ABCA13: variants seen among roughly 807,000 people sequenced by gnomAD.
ABCA13 encodes ATP-binding cassette sub-family A member 13.
Under a neutral mutation model 478.7 loss-of-function variants are expected in ABCA13, and 476 were observed. That is an observed-to-expected ratio of 0.99 (90% CI 0.92 to 1.07). The LOEUF (loss-of-function observed/expected upper bound fraction) is 1.07. Among genes scored for constraint, ABCA13 ranks in the 50% least tolerant of loss-of-function variants. The pLI, the probability that ABCA13 is intolerant of heterozygous loss-of-function variation, is 0.00. For synonymous variants in ABCA13, 2,252 were observed against 2,158.9 expected (o/e 1.04, Z -1.20); for missense variants, 6,060 against 5,910.6 (o/e 1.03, Z -0.83).
Position 48,276,402 on chromosome 7 carries a change from C to A in ABCA13, c.6736C>A (p.Gln2246Lys). Reference sequence around the variant, plus strand: ...CATTAACCTTATCTTGAACCATATGCAGTCAGAAACTAGTAGGAAAACAGT... The same window carrying A: ...CATTAACCTTATCTTGAACCATATGAAGTCAGAAACTAGTAGGAAAACAGT... ...NFINLILNHM[Q>K]SETSRKTVLS... The change falls in exon 17 of 62, where the codon CAG becomes AAG. Residue 2246 changes from glutamine (Q) to lysine (K), a missense_variant. This residue lies in a region of ABCA13 where 4,423 missense variants were observed against 4,309.1 expected (regional missense o/e 1.03). Coordinates refer to ENST00000435803, the MANE Select transcript of ABCA13 (RefSeq NM_152701.5). 6.4e-7 allele frequency: 1 copy of A among 1,557,830 alleles called. No individual in the cohort carries two copies. The highest frequency in any genetic ancestry group is 8.7e-7 in the Non-Finnish European group (1 of 1,153,692).
At chr7:48,257,795 G>C (rs1039832211) in intron 15 of ABCA13, among the ~76,000 whole-genome samples, 2 of 152,120 alleles carry the variant, frequency 1.3e-5, no homozygotes, top group Non-Finnish European at 2.9e-5. Flanking sequence ...GCCAGGGTTT[G>C]GTATCAGGAT....
intron 50 of ABCA13, among the ~76,000 whole-genome samples, chr7:48,509,672 T>C (rs768881805): frequency 1.3e-5 from 2 of 152,210 alleles, no homozygotes; most frequent in Non-Finnish European, 2.9e-5. Context: ...TTCTATTCAA[T>C]CACTAATTTA....
At chr7:48,551,570 ATTAC>A (rs1248323537) in intron 55 of ABCA13, among the ~76,000 whole-genome samples, 1 of 149,262 alleles carries the variant, frequency 6.7e-6, no homozygotes, top group Admixed American at 6.7e-5. Flanking sequence ...CTTTTAGGTT[ATTAC>A]TTTATTATTT....
At chr7:48,341,705 A>G (rs1031381453) in intron 29 of ABCA13, among the ~76,000 whole-genome samples, 3 of 149,642 alleles carry the variant, frequency 2.0e-5, no homozygotes, top group East Asian at 3.9e-4. Context: ...TCTGCTCTCT[A>G]TTGGTTTTTT....
intron 9 of ABCA13, among the ~76,000 whole-genome samples, chr7:48,240,085 C>T (rs1225042290): frequency 5.3e-5 from 8 of 152,188 alleles, no homozygotes; most frequent in African/African-American, 7.2e-5. Flanking sequence ...CATGTTTTTC[C>T]TTAAAGAACA....
chr7:48,484,484 A>G (rs942353373), intron 47 of ABCA13, among the ~76,000 whole-genome samples: 1 of 152,236 alleles, frequency 6.6e-6, no homozygotes, highest in African/African-American at 2.4e-5. Flanking sequence ...AGTAGAAGGA[A>G]TCTGTTCATT....
chr7:48,175,887 A>T (rs961368772), intron 1 of ABCA13, among the ~76,000 whole-genome samples: 1 of 98,526 alleles, frequency 1.0e-5, no homozygotes, highest in African/African-American at 3.5e-5. Flanking sequence ...ATTAATAACA[A>T]CAACAACAAC....
intron 31 of ABCA13, among the ~76,000 whole-genome samples, chr7:48,356,074 C>T (rs1323718379): frequency 6.6e-6 from 1 of 151,892 alleles, no homozygotes; most frequent in Non-Finnish European, 1.5e-5. Flanking sequence ...GAGAAAGTAT[C>T]ATTGAGGCAG....
chr7:48,241,726 A>G (rs1294446518), intron 10 of ABCA13, among the ~76,000 whole-genome samples: 2 of 152,244 alleles, frequency 1.3e-5, no homozygotes, highest in South Asian at 2.1e-4. Flanking sequence ...CAGGTCACAC[A>G]AATTCTTGCT....
chr7:48,449,649 A>G (rs1022063604), intron 42 of ABCA13, among the ~76,000 whole-genome samples: 12 of 152,220 alleles, frequency 7.9e-5, no homozygotes, highest in Non-Finnish European at 1.3e-4. Context: ...ATATTTCCCA[A>G]GGAAACCTGT....
At chr7:48,182,068 G>A (rs1255011047) in intron 1 of ABCA13, among the ~76,000 whole-genome samples, 1 of 152,078 alleles carries the variant, frequency 6.6e-6, no homozygotes, top group Non-Finnish European at 1.5e-5. Flanking sequence ...CTCTATGGAG[G>A]CTGTAGCTTT....
chr7:48,603,670 G>A, intron 58 of ABCA13: 1 of 192,694 alleles, frequency 5.2e-6, no homozygotes, highest in Non-Finnish European at 1.1e-5. Flanking sequence ...TGTTTATCAG[G>A]GATATTGGCC....
At chr7:48,417,728 A>G (rs1820218688) in intron 41 of ABCA13, among the ~76,000 whole-genome samples, 1 of 152,118 alleles carries the variant, frequency 6.6e-6, no homozygotes, top group Non-Finnish European at 1.5e-5. Flanking sequence ...GCTGTTGTAC[A>G]TTCCATGGGT....
intron 57 of ABCA13, among the ~76,000 whole-genome samples, chr7:48,591,502 A>G (rs1789743318): frequency 6.6e-6 from 1 of 151,856 alleles, no homozygotes; most frequent in Non-Finnish European, 1.5e-5. Flanking sequence ...TTGGTTTTCT[A>G]TTTCAGTGAA....
intron 27 of ABCA13, among the ~76,000 whole-genome samples, chr7:48,330,030 TATCCATCCATCCATCCATCC>T (rs59122878): frequency 3.1e-4 from 44 of 139,756 alleles, no homozygotes; most frequent in Middle Eastern, 4.7e-3. Context: ...TTGATCTATT[TATCCATCCATCCATCCATCC>T]ATCCATCCAT....
At chr7:48,293,380 G>T (rs993618520) in intron 20 of ABCA13, among the ~76,000 whole-genome samples, 36 of 152,170 alleles carry the variant, frequency 2.4e-4, no homozygotes, top group African/African-American at 8.2e-4. Context: ...AAGAGAAATT[G>T]ACAGTGGTTT....
At chr7:48,431,837 C>G (rs7357104) in intron 42 of ABCA13, among the ~76,000 whole-genome samples, 1 of 151,884 alleles carries the variant, frequency 6.6e-6, no homozygotes, top group Non-Finnish European at 1.5e-5. Flanking sequence ...TTTGTGAAAC[C>G]TTCTTAGGTT....
chr7:48,558,828 T>C (rs1317585602), intron 55 of ABCA13, among the ~76,000 whole-genome samples: 1 of 152,224 alleles, frequency 6.6e-6, no homozygotes, highest in African/African-American at 2.4e-5. Flanking sequence ...TTTTCCTGGA[T>C]GGCCTTGATG....
intron 23 of ABCA13, among the ~76,000 whole-genome samples, chr7:48,299,098 A>G (rs1209314145): frequency 6.6e-6 from 1 of 152,182 alleles, no homozygotes; most frequent in East Asian, 1.9e-4. Flanking sequence ...GGGAACGGGG[A>G]CATCTCATGT....
Sources: allele counts gnomAD v4.1 joint callset (sites outside exome capture counted in the v4.1 genomes callset), GRCh38; gene constraint gnomAD v4.1.1; regional missense constraint gnomAD v4.1.1; transcripts MANE v1.5; gene names NCBI Gene and HGNC (gene_info 2026-07-23, HGNC 2026-07-21).